The following MFN1 variants were observed in gnomAD, a reference collection of about 807,000 sequenced individuals.
The protein encoded by MFN1 is mitofusin-1.
In MFN1, 65 loss-of-function variants were observed where a neutral mutation model predicts 92.4. The observed-to-expected ratio is 0.70, with a 90% CI of 0.58 to 0.86. The LOEUF (loss-of-function observed/expected upper bound fraction) is 0.86, where lower values mean the gene tolerates loss of function less well. MFN1 is among the 40% of genes least tolerant of loss of function. The pLI, the probability that MFN1 is intolerant of heterozygous loss-of-function variation, is 0.00. For synonymous variants in MFN1, 297 were observed against 300.9 expected, an observed-to-expected ratio of 0.99 and a Z score of 0.13; for missense variants, 781 against 868.0, an observed-to-expected ratio of 0.90 and a Z score of 1.26.
Position 179,381,989 on chromosome 3 carries a change from A to G in MFN1, c.1662+3175A>G, listed in dbSNP as rs535369930. 2.0e-5 allele frequency among the ~76,000 whole-genome samples: 3 copies of G among 152,348 alleles called. No homozygotes were observed. In the East Asian group the frequency reaches 5.8e-4, roughly 29 times the overall value. ...CCAATACTGTTGCAGGTGGTGCTAC[A>G]TTCATTTTTGAAACATTTCTGTTTT... On this transcript the variant is annotated intron_variant, in intron 14 of 17. Coordinates refer to ENST00000471841, the MANE Select transcript of MFN1 (RefSeq NM_033540.3).
intron 9 of MFN1, among the ~76,000 whole-genome samples, chr3:179,374,266 GCACTC>G: frequency 6.7e-6 from 1 of 149,072 alleles, no homozygotes; most frequent in South Asian, 2.1e-4. Flanking sequence ...TCATGCCATT[GCACTC>G]CAGCCTTGGT....
chr3:179,348,700 AC>A, intron 1 of MFN1, 144 bp from the exon 2 acceptor site: 1 of 1,263,836 alleles, frequency 7.9e-7, no homozygotes, highest in Non-Finnish European at 1.1e-6. Context: ...TCTGACTAGA[AC>A]ACTCCCAAAA....
At chr3:179,365,272 A>G (rs774465910) in intron 7 of MFN1, 47 bp downstream of exon 7, 5 of 1,056,388 alleles carry the variant, frequency 4.7e-6, no homozygotes, top group Non-Finnish European at 6.9e-6. Flanking sequence ...ACAGTCACAT[A>G]CATTGTTATT....
At chr3:179,376,618 G>C (rs1713251027) in intron 10 of MFN1, among the ~76,000 whole-genome samples, 1 of 152,174 alleles carries the variant, frequency 6.6e-6, no homozygotes, top group African/African-American at 2.4e-5. Context: ...CAGTTTTAGA[G>C]CAAAAGCAGC....
intron 3 of MFN1, among the ~76,000 whole-genome samples, chr3:179,357,600 G>C (rs1376017154): frequency 6.6e-6 from 1 of 152,182 alleles, no homozygotes; most frequent in Non-Finnish European, 1.5e-5. Flanking sequence ...GGATGCTTTT[G>C]CAGTGAACCA....
chr3:179,378,396 C>G lies in MFN1; in HGVS notation c.1385C>G (p.Thr462Ser). ...GMGRNLADRCTDEVNALVLQT... is the reference protein window; with the variant it reads ...GMGRNLADRCSDEVNALVLQT... ...GGAAGAAATTTGGCTGATCGATGCA[C>G]CGATGAAGTAAACGCCTTAGTGCTT... The change falls in exon 13 of 18, where the codon ACC (threonine) becomes AGC (serine). Residue 462 changes from threonine (T) to serine (S), a missense_variant. Coordinates refer to ENST00000471841, the MANE Select transcript of MFN1 (RefSeq NM_033540.3). 1 of 1,606,816 alleles carries G rather than the reference C, an allele frequency of 6.2e-7. No homozygotes were observed. The highest frequency in any genetic ancestry group is 8.5e-7 in the Non-Finnish European group (1 of 1,178,214).
At chr3:179,368,414 A>G (rs1712890037) in intron 9 of MFN1, among the ~76,000 whole-genome samples, 1 of 152,228 alleles carries the variant, frequency 6.6e-6, no homozygotes, top group African/African-American at 2.4e-5. Flanking sequence ...ATAATTTGGA[A>G]CAAGAGTAAA....
rs753468586 is a variant in MFN1, at chr3:179,358,844, A to G, written c.253A>G (p.Ser85Gly). The G allele has an allele frequency of 3.1e-6, 5 of 1,610,456 alleles. No homozygotes were observed. Among genetic ancestry groups the G allele is most frequent in the Non-Finnish European group, 8.5e-7 (1 of 1,178,700 alleles). The change falls in exon 4 of 18, where the codon AGC becomes GGC. Residue 85 changes from serine to glycine, a missense_variant. Coordinates refer to ENST00000471841, the MANE Select transcript of MFN1 (RefSeq NM_033540.3). ...HMKVAFFGRT[S>G]SGKSSVINAM... Reference sequence around the variant, plus strand: ...ATGATTTTGTATATTCTTCAGGACAAGCAGTGGGAAGAGCTCTGTTATCAA... The same window carrying G: ...ATGATTTTGTATATTCTTCAGGACAGGCAGTGGGAAGAGCTCTGTTATCAA...
intron 9 of MFN1, among the ~76,000 whole-genome samples, chr3:179,369,843 T>C (rs892016818): frequency 3.9e-5 from 6 of 152,228 alleles, no homozygotes; most frequent in Admixed American, 2.0e-4. Context: ...TGTTTTATTC[T>C]AATGGTCCAT....
chr3:179,361,487 G>T (rs898146704), intron 4 of MFN1, among the ~76,000 whole-genome samples: 7 of 150,940 alleles, frequency 4.6e-5, no homozygotes, highest in Non-Finnish European at 1.0e-4. Context: ...AGCTCCCAGT[G>T]TTTATTGTTC....
intron 9 of MFN1, among the ~76,000 whole-genome samples, chr3:179,374,400 TAA>T (rs1491241977): frequency 1.1e-5 from 1 of 92,106 alleles, no homozygotes; most frequent in Non-Finnish European, 1.9e-5. Flanking sequence ...CATATATATG[TAA>T]TATATATATA....
chr3:179,365,072 A>C (rs200820560), intron 6 of MFN1, 46 bp from the exon 7 acceptor site: 12 of 1,063,472 alleles, frequency 1.1e-5, no homozygotes, highest in Non-Finnish European at 1.3e-6. Context: ...TCAATTATAA[A>C]TGTAAATTAT....
chr3:179,360,208 G>A (rs1167336305), intron 4 of MFN1, among the ~76,000 whole-genome samples: 1 of 152,126 alleles, frequency 6.6e-6, no homozygotes, highest in South Asian at 2.1e-4. Context: ...GAACCACCAC[G>A]CCCGGCTGAG....
chr3:179,351,958 G>A lies in MFN1; in HGVS notation c.171G>A (p.Met57Ile). The A allele has an allele frequency of 6.2e-7, 1 of 1,611,156 alleles. No homozygotes were observed. The highest frequency in any genetic ancestry group is 8.5e-7 in the Non-Finnish European group (1 of 1,177,778). The change falls in exon 3 of 18, where the codon ATG becomes ATA. Residue 57 changes from methionine to isoleucine, a missense_variant. Transcript: ENST00000471841. ...CCACTGAAGATGATCTGGTAGAAAT[G>A]CAAGGATATAAAGACAAGCTTTCCA... ...RIATEDDLVE[M>I]QGYKDKLSII...
intron 12 of MFN1, among the ~76,000 whole-genome samples, chr3:179,377,866 C>T (rs2108548604): frequency 6.6e-6 from 1 of 152,096 alleles, no homozygotes; most frequent in South Asian, 2.1e-4. Flanking sequence ...AGTTCGAGAC[C>T]AGCCTGACCA....
chr3:179,377,984 C>T (rs1003004712), intron 12 of MFN1, among the ~76,000 whole-genome samples: 10 of 151,546 alleles, frequency 6.6e-5, no homozygotes, highest in African/African-American at 1.9e-4. Flanking sequence ...CGCTTGAAAC[C>T]GGAAGGCAGA....
intron 14 of MFN1, among the ~76,000 whole-genome samples, chr3:179,380,737 G>A (rs1713433216): frequency 6.6e-6 from 1 of 152,216 alleles, no homozygotes; most frequent in Admixed American, 6.5e-5. Flanking sequence ...TGAGGCCTGG[G>A]TGTGGAAGGT....
At chr3:179,368,229 A>C in intron 9 of MFN1, 126 bp downstream of exon 9, 5 of 528,094 alleles carry the variant, frequency 9.5e-6, no homozygotes. Context: ...AGTTACTGAC[A>C]CAGCCAGTAA....
intron 1 of MFN1, 66 bp from the exon 2 acceptor site, chr3:179,348,779 G>A (rs746698072): frequency 6.4e-7 from 1 of 1,564,106 alleles, no homozygotes; most frequent in Non-Finnish European, 8.7e-7. Context: ...TGTCACTGGT[G>A]TGTCATCAGT....
Sources: allele counts gnomAD v4.1 joint callset (sites outside exome capture counted in the v4.1 genomes callset), GRCh38; gene constraint gnomAD v4.1.1; transcripts MANE v1.5; gene names NCBI Gene and HGNC (gene_info 2026-07-23, HGNC 2026-07-21).